The following PAMR1 variants were observed in gnomAD, a reference collection of about 807,000 sequenced individuals.
PAMR1 encodes the protein inactive serine protease PAMR1.
In PAMR1, 88 loss-of-function variants were observed where a neutral mutation model predicts 81.8. That is an observed-to-expected ratio of 1.08 (90% CI 0.91 to 1.28). PAMR1 has a LOEUF of 1.28. PAMR1 is among the 50% of genes most tolerant of loss of function. The pLI is 0.00. For synonymous variants in PAMR1, 336 were observed against 345.3 expected, an observed-to-expected ratio of 0.97 and a Z score of 0.30; for missense variants, 935 against 919.7, an observed-to-expected ratio of 1.02 and a Z score of -0.21.
chr11:35,506,398 T>G (rs112001017), intron 1 of PAMR1, among the ~76,000 whole-genome samples: 1 of 147,122 alleles, frequency 6.8e-6, no homozygotes. Context: ...AAAAAAATTT[T>G]TTTTGCATGT....
intron 3 of PAMR1, among the ~76,000 whole-genome samples, chr11:35,491,793 C>A (rs1174815486): frequency 6.6e-6 from 1 of 152,196 alleles, no homozygotes; most frequent in Non-Finnish European, 1.5e-5. Context: ...AAGCAGAAAG[C>A]CTTGGCCTCA....
chr11:35,508,516 ATTTTTTTTTTTTT>A (rs59836040), intron 1 of PAMR1, among the ~76,000 whole-genome samples: 1 of 98,052 alleles, frequency 1.0e-5, no homozygotes, highest in Non-Finnish European at 1.9e-5. Flanking sequence ...AGGAACCTCC[ATTTTTTTTTTTTT>A]TTTTTTTTTT....
intron 1 of PAMR1, among the ~76,000 whole-genome samples, chr11:35,495,975 G>T (rs558160890): frequency 1.3e-5 from 2 of 152,242 alleles, no homozygotes; most frequent in African/African-American, 4.8e-5. Context: ...TTGGTGTTTG[G>T]GAATGAATGG....
chr11:35,507,222 T>C (rs1850980915), intron 1 of PAMR1, among the ~76,000 whole-genome samples: 1 of 151,892 alleles, frequency 6.6e-6, no homozygotes, highest in Non-Finnish European at 1.5e-5. Flanking sequence ...TAATTTTGCA[T>C]TTTTAGTAGA....
chr11:35,522,967 T>A lies in PAMR1; in HGVS notation c.73+2546A>T, dbSNP rs1590405399. Among the ~76,000 whole-genome samples the A allele has an allele frequency of 2.0e-5, 3 of 152,354 alleles. No homozygotes were observed. The East Asian group carries it at 5.8e-4, about 29-fold the overall frequency. On this transcript the variant is annotated intron_variant, in intron 1 of 10. Transcript: ENST00000619888. ...TTCATCCTCTGAATTGAGGGACTCA[T>A]ACTAAAATAATTTCTAAAGTCACTC...
At chr11:35,518,463 C>T (rs766688778) in intron 1 of PAMR1, among the ~76,000 whole-genome samples, 29 of 151,708 alleles carry the variant, frequency 1.9e-4, no homozygotes, top group Middle Eastern at 6.8e-3. Context: ...TATTCTTCCA[C>T]GTCTTATGCC....
intron 8 of PAMR1, 30 bp from the exon 9 acceptor site, chr11:35,436,165 G>A (rs764907045): frequency 1.4e-6 from 2 of 1,449,266 alleles, no homozygotes; most frequent in Non-Finnish European, 1.9e-6. Flanking sequence ...CCCAGAGAAA[G>A]AGCAGGGTGA....
chr11:35,527,436 C>T (rs1275803652), upstream of PAMR1, among the ~76,000 whole-genome samples: 2 of 152,196 alleles, frequency 1.3e-5, no homozygotes, highest in African/African-American at 4.8e-5. Context: ...CCCCCAAGAA[C>T]ATCTCATGGT....
intron 1 of PAMR1, among the ~76,000 whole-genome samples, chr11:35,498,552 C>T (rs1484380343): frequency 6.6e-6 from 1 of 152,162 alleles, no homozygotes; most frequent in Non-Finnish European, 1.5e-5. Flanking sequence ...TCATATTTCT[C>T]AAGGATATGG....
chr11:35,457,417 T>C (rs542670903), intron 6 of PAMR1, among the ~76,000 whole-genome samples: 1 of 152,304 alleles, frequency 6.6e-6, no homozygotes, highest in Admixed American at 6.5e-5. Context: ...CTGGCTTTCC[T>C]GGTCTCCAGC....
At chr11:35,435,836 A>C (rs770854999) in intron 9 of PAMR1, 67 bp downstream of exon 9, 26 of 1,186,900 alleles carry the variant, frequency 2.2e-5, no homozygotes, top group Non-Finnish European at 3.0e-5. Flanking sequence ...AAGTAGGGTT[A>C]ATGGTTTTTC....
rs779843713 is a variant in PAMR1, at chr11:35,491,996, C to G, written c.379+49G>C. ...AATTTTGGTCCATTGTAAGCTGAGA[C>G]TTTAAGACAGTGTGCACTAGAGATG... On this transcript the variant is annotated intron_variant, in intron 3 of 10. Coordinates refer to ENST00000619888, the MANE Select transcript of PAMR1 (RefSeq NM_001001991.3). The G allele has an allele frequency of 2.6e-6, 4 of 1,542,372 alleles. No homozygotes were observed. The East Asian group carries it at 7.1e-5, about 27-fold the overall frequency.
chr11:35,473,374 G>C (rs1256787262), intron 4 of PAMR1, among the ~76,000 whole-genome samples: 1 of 152,140 alleles, frequency 6.6e-6, no homozygotes, highest in African/African-American at 2.4e-5. Flanking sequence ...TTGCATCTTG[G>C]ATTTTGGAGA....
Position 35,434,675 on chromosome 11 carries a change from A to G in PAMR1, c.1463T>C (p.Val488Ala), listed in dbSNP as rs1855996220. The change falls in exon 10 of 11, where the codon GTC becomes GCC. Residue 488 changes from valine to alanine, a missense_variant. By Grantham distance (64) the Val-to-Ala change is moderately conservative. Coordinates refer to ENST00000619888, the MANE Select transcript of PAMR1 (RefSeq NM_001001991.3). ...CTCATTCACCAGGGCACCGCTGCAG[A>G]CTAGGAACCACGCTCCCTTGTGTAG... is the stretch of plus-strand genomic sequence containing the variant. The part of the protein sequence containing the change: ...GSLHKGAWFL[V>A]CSGALVNERT... 1 of 1,613,994 alleles carries G rather than the reference A, an allele frequency of 6.2e-7. No individual in the cohort carries two copies. The highest frequency in any genetic ancestry group is 1.7e-5 in the Admixed American group (1 of 59,992).
At chr11:35,442,918 T>A (rs1310945365) in intron 6 of PAMR1, among the ~76,000 whole-genome samples, 1 of 152,178 alleles carries the variant, frequency 6.6e-6, no homozygotes, top group Non-Finnish European at 1.5e-5. Context: ...TTCTTTTTTT[T>A]AATATAAATA....
At chr11:35,490,276 G>A (rs777008892) in intron 3 of PAMR1, among the ~76,000 whole-genome samples, 1 of 152,066 alleles carries the variant, frequency 6.6e-6, no homozygotes, top group African/African-American at 2.4e-5. Flanking sequence ...TTTGGGTGGG[G>A]ACACAGCCAA....
At chr11:35,525,261 G>A (rs1006359975) in intron 1 of PAMR1, among the ~76,000 whole-genome samples, 15 of 152,128 alleles carry the variant, frequency 9.9e-5, no homozygotes, top group Non-Finnish European at 2.1e-4. Context: ...GCTTTCCTGA[G>A]ACAGTACAGC....
chr11:35,510,532 G>A (rs1483122100), intron 1 of PAMR1, among the ~76,000 whole-genome samples: 1 of 137,512 alleles, frequency 7.3e-6, no homozygotes, highest in Non-Finnish European at 1.5e-5. Flanking sequence ...GAAAATGTTT[G>A]GAAAATGAAG....
intron 3 of PAMR1, among the ~76,000 whole-genome samples, chr11:35,486,851 A>T (rs1002806429): frequency 3.3e-5 from 5 of 152,096 alleles, no homozygotes; most frequent in African/African-American, 1.2e-4. Context: ...CCTTACTCAC[A>T]TGGAGCGACT....
Sources: allele counts gnomAD v4.1 joint callset (sites outside exome capture counted in the v4.1 genomes callset), GRCh38; gene constraint gnomAD v4.1.1; transcripts MANE v1.5; gene names NCBI Gene and HGNC (gene_info 2026-07-23, HGNC 2026-07-21).